Variants in ESAM observed in about 807,000 individuals in gnomAD.
ESAM encodes endothelial cell-selective adhesion molecule.
A neutral mutation model predicts 31.8 loss-of-function variants in ESAM; 23 were observed. The observed-to-expected ratio is 0.72, with a 90% CI of 0.52 to 1.03. The LOEUF (loss-of-function observed/expected upper bound fraction) is 1.03. ESAM is among the 50% of genes least tolerant of loss of function. ESAM has a pLI of 0.00. For synonymous variants in ESAM, 216 were observed against 207.2 expected, an observed-to-expected ratio of 1.04 and a Z score of -0.37; for missense variants, 478 against 488.9, an observed-to-expected ratio of 0.98 and a Z score of 0.21.
At chr11:124,756,134 C>G (rs1382483363) in intron 4 of ESAM, 73 bp downstream of exon 4, 4 of 1,594,226 alleles carry the variant, frequency 2.5e-6, no homozygotes, top group Non-Finnish European at 3.4e-6. Flanking sequence ...CCTTTTCACC[C>G]CAGTCCCTGT....
Position 124,754,839 on chromosome 11 carries a change from T to C in ESAM, c.608-76A>G, listed in dbSNP as rs1310734575. 4 of 1,510,434 alleles carry C rather than the reference T, an allele frequency of 2.6e-6. No homozygotes were observed. The highest frequency in any genetic ancestry group is 3.5e-6 in the Non-Finnish European group (4 of 1,128,620). 93.6% of individuals were successfully genotyped at this position (1,510,434 alleles called of 1,614,324 possible). On this transcript the variant is annotated intron_variant, in intron 4 of 6. Coordinates refer to ENST00000278927, the MANE Select transcript of ESAM (RefSeq NM_138961.3). This position sits in a 1 kb window ranked among gnomAD's most constrained non-coding sequence, Gnocchi z 4.5. ...AAAAAAAAAAATCTTGTCCCTCCTCTGGAATGTCCCCTTTGACCCTCTGGG... is the reference window on the plus strand; with the variant it reads ...AAAAAAAAAAATCTTGTCCCTCCTCCGGAATGTCCCCTTTGACCCTCTGGG...
intron 1 of ESAM, among the ~76,000 whole-genome samples, chr11:124,760,914 A>T (rs150722953): frequency 2.4e-4 from 36 of 152,290 alleles, no homozygotes; most frequent in African/African-American, 8.4e-4. Context: ...GGGATCCTGG[A>T]GCAGGCCCAC....
Position 124,762,259 on chromosome 11 carries a change from G to A in ESAM, c.-105C>T. 2.3e-6 allele frequency: 2 copies of A among 887,836 alleles called. No homozygotes were observed. Among genetic ancestry groups the A allele is most frequent in the Admixed American group, 3.4e-5 (1 of 29,546 alleles). The allele number at this position is 887,836 out of a possible 1,614,324, so 55.0% of individuals were successfully genotyped here. A position where few individuals can be genotyped will look rare whatever the true frequency, so the allele number is the denominator to read the frequency against. On this transcript the variant is annotated 5_prime_UTR_variant, in exon 1 of 7. Coordinates refer to ENST00000278927, the MANE Select transcript of ESAM (RefSeq NM_138961.3). This position sits in a 1 kb window ranked among gnomAD's most constrained non-coding sequence, Gnocchi z 6.4. ...CCGGAGCGTGCGCGGGAGCCGAGCC[G>A]CTGACACCCAGGGCGGCTCCAGCCC...
At chr11:124,761,464 G>T (rs1375503321) in intron 1 of ESAM, among the ~76,000 whole-genome samples, 1 of 152,102 alleles carries the variant, frequency 6.6e-6, no homozygotes, top group East Asian at 1.9e-4. Flanking sequence ...TTGGGGGGGT[G>T]GGGTGGTCAC....
At position 124,758,420 on chromosome 11, in the gene ESAM, C is replaced by T. The variant is rs751284308; in HGVS notation, c.178G>A (p.Val60Met). Reference protein sequence around the residue: ...LPAWYTLHGEVSSSQPWEVPF... With the variant: ...LPAWYTLHGEMSSSQPWEVPF... ...ACCTCCCATGGCTGGGATGAAGACACCTCCCCGTGCAAGGTGTACCACGCT... is the reference window on the plus strand; with the variant it reads ...ACCTCCCATGGCTGGGATGAAGACATCTCCCCGTGCAAGGTGTACCACGCT... Residue 60 changes from valine to methionine, a missense_variant, in exon 2 of 7, where the codon GTG becomes ATG. By Grantham distance (21) the Val-to-Met change is conservative. Coordinates refer to ENST00000278927, the MANE Select transcript of ESAM (RefSeq NM_138961.3). 3.7e-6 allele frequency: 6 copies of T among 1,614,056 alleles called. No individual in the cohort carries two copies. The East Asian group carries it at 6.7e-5, about 18-fold the overall frequency.
intron 4 of ESAM, among the ~76,000 whole-genome samples, chr11:124,755,223 C>T (rs1275508005): frequency 6.6e-6 from 1 of 151,936 alleles, no homozygotes; most frequent in Non-Finnish European, 1.5e-5. Flanking sequence ...GTTGAAAGGA[C>T]TATATGGACT....
chr11:124,756,838 A>G (rs1046258160), intron 2 of ESAM, 96 bp from the exon 3 acceptor site: 2 of 1,329,136 alleles, frequency 1.5e-6, no homozygotes, highest in Non-Finnish European at 2.1e-6. Context: ...CATTCTCCAA[A>G]TGCCCCTCAC....
intron 1 of ESAM, among the ~76,000 whole-genome samples, chr11:124,760,599 C>T (rs1944217199): frequency 6.6e-6 from 1 of 152,234 alleles, no homozygotes; most frequent in Admixed American, 6.5e-5. Flanking sequence ...CCGGGGTCAC[C>T]AGTGCCATTT....
Position 124,759,656 on chromosome 11 carries a change from CAGGA to C in ESAM, c.71-1133_71-1130del, listed in dbSNP as rs1298578822. Among the ~76,000 whole-genome samples the C allele has an allele frequency of 6.6e-6, 1 of 152,256 alleles. No individual in the cohort carries two copies. The highest frequency in any genetic ancestry group is 1.9e-4 in the East Asian group (1 of 5,186). Reference sequence around the variant, plus strand: ...TCTAAGGGCTGGGAGCCGATCCGGCCAGGATGCAAGCCTCCCCCACCGCTTCCCG... The same window carrying C: ...TCTAAGGGCTGGGAGCCGATCCGGCCTGCAAGCCTCCCCCACCGCTTCCCG... On this transcript the variant is annotated intron_variant, in intron 1 of 6. Coordinates refer to ENST00000278927, the MANE Select transcript of ESAM (RefSeq NM_138961.3). The surrounding 1 kb of genome is among the most constrained non-coding windows in gnomAD (Gnocchi z 6.8).
In ESAM at chr11:124,754,182, C is replaced by A; in HGVS notation, c.857+32G>T. On this transcript the variant is annotated intron_variant, in intron 6 of 6. Coordinates refer to ENST00000278927, the MANE Select transcript of ESAM (RefSeq NM_138961.3). This position sits in a 1 kb window ranked among gnomAD's most constrained non-coding sequence, Gnocchi z 4.5. ...GCCTCTGTGAGGAGAGCTGGGAGAG[C>A]CCCCGCTGCAGCAGACACCAGGGAC... is the stretch of plus-strand genomic sequence containing the variant. 1 of 1,605,486 alleles carries A rather than the reference C, an allele frequency of 6.2e-7. No individual in the cohort carries two copies. The highest frequency in any genetic ancestry group is 1.1e-5 in the South Asian group (1 of 89,594).
Position 124,756,748 on chromosome 11 carries a change from G to A in ESAM, c.250-6C>T, listed in dbSNP as rs377436476. 69 of 1,613,890 alleles carry A rather than the reference G, an allele frequency of 4.3e-5. No individual in the cohort carries two copies. Among genetic ancestry groups the A allele is most frequent in the Admixed American group, 8.3e-5 (5 of 59,986 alleles). ...CCATTGATGTAGGACAACACCTGGTGTGGGGCATAACACATCCCCGTCATT... is the reference window on the plus strand; with the variant it reads ...CCATTGATGTAGGACAACACCTGGTATGGGGCATAACACATCCCCGTCATT... On this transcript the variant is annotated splice_region_variant and splice_polypyrimidine_tract_variant and intron_variant, in intron 2 of 6. Coordinates refer to ENST00000278927, the MANE Select transcript of ESAM (RefSeq NM_138961.3).
At chr11:124,753,997 G>T (rs1211317736) in intron 6 of ESAM, 36 bp from the exon 7 acceptor site, 10 of 1,605,410 alleles carry the variant, frequency 6.2e-6, no homozygotes, top group Non-Finnish European at 8.5e-6. Flanking sequence ...GTCAGAAGTG[G>T]GTGGGGGAAG....
At position 124,755,348 on chromosome 11, in the gene ESAM, A is replaced by T. The variant is rs190106633; in HGVS notation, c.608-585T>A. On this transcript the variant is annotated intron_variant, in intron 4 of 6. Coordinates refer to ENST00000278927, the MANE Select transcript of ESAM (RefSeq NM_138961.3). ...CAGCATGGCACATGTATACATATGT[A>T]ACTAACCTGCACATTGTGCACATGT... 3.2e-3 allele frequency among the ~76,000 whole-genome samples: 492 copies of T among 152,232 alleles called. 3 individuals carry two copies. The highest frequency in any genetic ancestry group is 0.011 in the African/African-American group (470 of 41,534).
rs533551242 is a variant in ESAM, at chr11:124,754,890, G to T, written c.608-127C>A. ...AGTCACGGCTTGTCTATTCCCTGAT[G>T]GGGGGAGAGGTGTGACAGCTGGGCT... On this transcript the variant is annotated intron_variant, in intron 4 of 6. Transcript: ENST00000278927. The surrounding 1 kb of genome is among the most constrained non-coding windows in gnomAD (Gnocchi z 4.5). 46 of 1,258,956 alleles carry T rather than the reference G, an allele frequency of 3.7e-5. No individual in the cohort carries two copies. In the South Asian group the frequency reaches 7.3e-4, roughly 20 times the overall value. 78.0% of individuals were successfully genotyped at this position (1,258,956 alleles called of 1,614,324 possible).
chr11:124,754,191 C>T lies in ESAM; in HGVS notation c.857+23G>A, dbSNP rs746855188. 5 of 1,610,522 alleles carry T rather than the reference C, an allele frequency of 3.1e-6. No individual in the cohort carries two copies. In the South Asian group the frequency reaches 5.5e-5, roughly 18 times the overall value. On this transcript the variant is annotated intron_variant, in intron 6 of 6. Coordinates refer to ENST00000278927, the MANE Select transcript of ESAM (RefSeq NM_138961.3). The surrounding 1 kb of genome is among the most constrained non-coding windows in gnomAD (Gnocchi z 4.5). ...AGGAGAGCTGGGAGAGCCCCCGCTG[C>T]AGCAGACACCAGGGACACTTACTTG...
Position 124,758,526 on chromosome 11 carries a change from C to A in ESAM, c.72G>T (p.Ala24=). 1 of 1,550,106 alleles carries A rather than the reference C, an allele frequency of 6.5e-7. No individual in the cohort carries two copies. ...GTTGCAGCTGGGCCCGCGAGGGGGGCGCTGGAGACAAGAGCGAGGCGTGAG... is the reference window on the plus strand; with the variant it reads ...GTTGCAGCTGGGCCCGCGAGGGGGGAGCTGGAGACAAGAGCGAGGCGTGAG... ...RFLFLGLSAL[A]PPSRAQLQLH... Residue 24 remains alanine, a splice_region_variant and synonymous_variant, in exon 2 of 7, where the codon GCG becomes GCT. Coordinates refer to ENST00000278927, the MANE Select transcript of ESAM (RefSeq NM_138961.3).
intron 1 of ESAM, among the ~76,000 whole-genome samples, chr11:124,761,867 C>T (rs1565443551): frequency 3.9e-5 from 6 of 152,084 alleles, no homozygotes. Flanking sequence ...ATGCCCTTAC[C>T]TCCCCCCGCC....
rs776119450 is a variant in ESAM at position 124,753,768 on chromosome 11, C to T, written c.1051G>A (p.Asp351Asn). Residue 351 changes from aspartate to asparagine, a missense_variant, in exon 7 of 7, where the codon GAT becomes AAT. Asp to Asn is a conservative substitution (Grantham distance 23). Transcript: ENST00000278927. ...GATATTGGTTGAGGGTGGGCCCCAT[C>T]TGTCGTGGGCAGTCTTGGTGAGGGC... ...ALPSPRLPTT[D>N]GAHPQPISPI... 2.5e-6 allele frequency: 4 copies of T among 1,614,014 alleles called. No individual in the cohort carries two copies. The East Asian group carries it at 8.9e-5, about 36-fold the overall frequency.
chr11:124,760,058 C>A (rs1198653299), intron 1 of ESAM, among the ~76,000 whole-genome samples: 1 of 152,218 alleles, frequency 6.6e-6, no homozygotes, highest in Non-Finnish European at 1.5e-5. Flanking sequence ...GGACCACCAG[C>A]GACCTCCCCA....
Sources: allele counts gnomAD v4.1 joint callset (sites outside exome capture counted in the v4.1 genomes callset), GRCh38; gene constraint gnomAD v4.1.1; non-coding constraint Gnocchi (gnomAD v3.1); transcripts MANE v1.5; gene names NCBI Gene and HGNC (gene_info 2026-07-23, HGNC 2026-07-21).